SRBD1: variants seen among roughly 807,000 people sequenced by gnomAD.
SRBD1 encodes the protein S1 RNA-binding domain-containing protein 1.
Under a neutral mutation model 115.3 loss-of-function variants are expected in SRBD1, and 88 were observed. The ratio of observed to expected loss-of-function variants is 0.76; its 90% CI spans 0.64 to 0.91. SRBD1 has a LOEUF of 0.91. SRBD1 is among the 40% of genes least tolerant of loss of function. SRBD1 has a pLI of 0.00. For missense variants in SRBD1, 1,385 were observed against 1,177.4 expected, an observed-to-expected ratio of 1.18 and a Z score of -2.58; for synonymous variants, 509 against 407.7, an observed-to-expected ratio of 1.25 and a Z score of -2.99.
intron 14 of SRBD1, among the ~76,000 whole-genome samples, chr2:45,545,283 T>TAAAAAAAAAAAAAAAAAAAAAAAA (rs56909656): frequency 2.8e-4 from 19 of 68,570 alleles, no homozygotes; most frequent in Admixed American, 5.9e-4. Context: ...CTGTCTCAAT[T>TAAAAAAAAAAAAAAAAAAAAAAAA]AAAAAAAAAA....
At chr2:45,603,281 T>C (rs1378008546) in intron 2 of SRBD1, among the ~76,000 whole-genome samples, 3 of 152,146 alleles carry the variant, frequency 2.0e-5, no homozygotes, top group South Asian at 4.1e-4. Flanking sequence ...AGGCAGCTAG[T>C]CAACTCTCCT....
At chr2:45,391,594 GC>G (rs1440904489) in intron 20 of SRBD1, among the ~76,000 whole-genome samples, 1 of 152,148 alleles carries the variant, frequency 6.6e-6, no homozygotes, top group Non-Finnish European at 1.5e-5. Flanking sequence ...TTACATTAGA[GC>G]AAAGGTCAGT....
chr2:45,513,811 C>T (rs1671043466), intron 14 of SRBD1, among the ~76,000 whole-genome samples: 1 of 151,910 alleles, frequency 6.6e-6, no homozygotes, highest in African/African-American at 2.4e-5. Context: ...TTTGTTTTTG[C>T]TATTGTCTCC....
chr2:45,414,591 G>A (rs1228055863), intron 18 of SRBD1, among the ~76,000 whole-genome samples: 1 of 148,820 alleles, frequency 6.7e-6, no homozygotes, highest in Non-Finnish European at 1.5e-5. Flanking sequence ...TAGTGTGTGT[G>A]TACACATAGT....
At chr2:45,421,205 G>C (rs1413565205) in intron 16 of SRBD1, among the ~76,000 whole-genome samples, 1 of 151,980 alleles carries the variant, frequency 6.6e-6, no homozygotes, top group Non-Finnish European at 1.5e-5. Context: ...TGATTTCAGA[G>C]GTATTAAAAT....
chr2:45,505,406 A>C (rs778608133), intron 14 of SRBD1, among the ~76,000 whole-genome samples: 1 of 152,146 alleles, frequency 6.6e-6, no homozygotes, highest in Non-Finnish European at 1.5e-5. Flanking sequence ...CCACTATCAG[A>C]ACAAAGCTGT....
At chr2:45,477,235 C>T (rs1258503887) in intron 15 of SRBD1, among the ~76,000 whole-genome samples, 160 bp from the exon 16 acceptor site, 1 of 152,090 alleles carries the variant, frequency 6.6e-6, no homozygotes, top group East Asian at 1.9e-4. Context: ...TCTCTTTTTT[C>T]CCCACACAAA....
intron 16 of SRBD1, among the ~76,000 whole-genome samples, chr2:45,432,687 C>T (rs371610893): frequency 6.6e-6 from 1 of 152,120 alleles, no homozygotes; most frequent in African/African-American, 2.4e-5. Flanking sequence ...ATGGACTGTT[C>T]CATTTTTAAA....
intron 16 of SRBD1, among the ~76,000 whole-genome samples, chr2:45,470,325 C>T (rs1314560308): frequency 1.3e-5 from 2 of 151,954 alleles, no homozygotes; most frequent in Middle Eastern, 3.4e-3. Flanking sequence ...GAAAAATTTC[C>T]GCTGGGAAGA....
chr2:45,579,997 G>T lies in SRBD1; in HGVS notation c.950C>A (p.Thr317Asn), dbSNP rs1401107820. 1 of 1,581,808 alleles carries T rather than the reference G, an allele frequency of 6.3e-7. No homozygotes were observed. The highest frequency in any genetic ancestry group is 1.4e-5 in the African/African-American group (1 of 73,038). The change falls in exon 7 of 21, where the codon ACT becomes AAT. Residue 317 changes from threonine (T) to asparagine (N), a missense_variant. Coordinates refer to ENST00000263736, the MANE Select transcript of SRBD1 (RefSeq NM_018079.5). The part of the protein sequence containing the change: ...ELEHVSAPYK[T>N]GSKGTKAQRA... ...CTGGGCTTTAGTCCCTTTGCTTCCA[G>T]TTTTATATGGAGCAGACTAGAAAAT...
At chr2:45,413,054 C>T (rs1667649458) in intron 19 of SRBD1, 60 bp downstream of exon 19, 5 of 1,519,662 alleles carry the variant, frequency 3.3e-6, no homozygotes, top group Non-Finnish European at 4.4e-6. Context: ...AAACAAAGGC[C>T]ATTTGCTGTA....
At chr2:45,425,441 G>A (rs115551207) in intron 16 of SRBD1, among the ~76,000 whole-genome samples, 446 of 152,174 alleles carry the variant, frequency 2.9e-3, no homozygotes, top group African/African-American at 0.01. Context: ...CCACATAGAG[G>A]TGACTTGTAC....
intron 14 of SRBD1, among the ~76,000 whole-genome samples, chr2:45,528,076 G>C (rs750639141): frequency 6.6e-6 from 1 of 151,834 alleles, no homozygotes; most frequent in African/African-American, 2.4e-5. Context: ...ATAAAATATA[G>C]GATGTAACTG....
chr2:45,423,760 T>A lies in SRBD1; in HGVS notation c.2050-3866A>T, dbSNP rs552780853. 2.3e-4 allele frequency among the ~76,000 whole-genome samples: 35 copies of A among 152,230 alleles called. No individual in the cohort carries two copies. In the South Asian group the frequency reaches 7.0e-3, roughly 31 times the overall value. Reference sequence around the variant, plus strand: ...AGAAGAAAGAAACCTACATTTGAACTGATTTCCTATGAATACCAGTTCAAA... The same window carrying A: ...AGAAGAAAGAAACCTACATTTGAACAGATTTCCTATGAATACCAGTTCAAA... On this transcript the variant is annotated intron_variant, in intron 16 of 20. Transcript: ENST00000263736.
intron 19 of SRBD1, among the ~76,000 whole-genome samples, chr2:45,395,686 A>T (rs1667127290): frequency 6.6e-6 from 1 of 152,188 alleles, no homozygotes; most frequent in Non-Finnish European, 1.5e-5. Flanking sequence ...GCACACACAC[A>T]CAAAGAGCCA....
At chr2:45,516,190 C>G (rs1671113485) in intron 14 of SRBD1, among the ~76,000 whole-genome samples, 1 of 152,126 alleles carries the variant, frequency 6.6e-6, no homozygotes, top group African/African-American at 2.4e-5. Flanking sequence ...AAATGAGAAT[C>G]TTTTGCTCTT....
Position 45,455,656 on chromosome 2 carries a change from A to T in SRBD1, c.2049+21337T>A, listed in dbSNP as rs1669129369. ...CCCCCTTCTGATAGGGATAACAAGC[A>T]AACATTTTCTCCCTGACACAACTTT... is the stretch of plus-strand genomic sequence containing the variant. On this transcript the variant is annotated intron_variant, in intron 16 of 20. Coordinates refer to ENST00000263736, the MANE Select transcript of SRBD1 (RefSeq NM_018079.5). Among the ~76,000 whole-genome samples, 3 of 151,942 alleles carry T rather than the reference A, an allele frequency of 2.0e-5. No individual in the cohort carries two copies. The South Asian group carries it at 6.2e-4, about 32-fold the overall frequency.
intron 15 of SRBD1, among the ~76,000 whole-genome samples, chr2:45,480,660 G>C (rs995716131): frequency 6.6e-6 from 1 of 152,112 alleles, no homozygotes; most frequent in African/African-American, 2.4e-5. Context: ...TGCTATGAAC[G>C]TTGTGGAAAT....
chr2:45,506,337 T>A (rs1670796292), intron 14 of SRBD1, among the ~76,000 whole-genome samples: 1 of 152,190 alleles, frequency 6.6e-6, no homozygotes, highest in African/African-American at 2.4e-5. Context: ...AGTTCCTCTC[T>A]TATGGCACAA....
Sources: allele counts gnomAD v4.1 joint callset (sites outside exome capture counted in the v4.1 genomes callset), GRCh38; gene constraint gnomAD v4.1.1; transcripts MANE v1.5; gene names NCBI Gene and HGNC (gene_info 2026-07-23, HGNC 2026-07-21).